CSMD1: variants seen among roughly 807,000 people sequenced by gnomAD.
CSMD1 encodes CUB and Sushi multiple domains 1.
A neutral mutation model predicts 417.5 loss-of-function variants in CSMD1; 213 were observed. The observed-to-expected ratio is 0.51, with a 90% confidence interval of 0.46 to 0.57. The LOEUF is 0.57. Among genes scored for constraint, CSMD1 ranks in the 20% least tolerant of loss-of-function variants. The pLI is 0.00. For synonymous variants in CSMD1, 2,862 were observed against 1,736.8 expected (o/e 1.65, Z -16.11); for missense variants, 6,923 against 4,529.7 (o/e 1.53, Z -15.17).
At chr8:4,802,386 G>C (rs561705005) in intron 1 of CSMD1, among the ~76,000 whole-genome samples, 1 of 151,884 alleles carries the variant, frequency 6.6e-6, no homozygotes, top group South Asian at 2.1e-4. Flanking sequence ...TGTAGGGATA[G>C]TGAGAAGCAT....
chr8:3,169,465 G>A (rs1050704722), intron 37 of CSMD1, among the ~76,000 whole-genome samples: 1 of 151,922 alleles, frequency 6.6e-6, no homozygotes, highest in African/African-American at 2.4e-5. Flanking sequence ...ACTATCTCTA[G>A]TAGTCGAAAT....
At chr8:3,602,354 G>C (rs1025447497) in intron 8 of CSMD1, among the ~76,000 whole-genome samples, 2 of 152,088 alleles carry the variant, frequency 1.3e-5, no homozygotes, top group Non-Finnish European at 2.9e-5. Context: ...CAAATTTCCG[G>C]TGGAGGCATA....
At chr8:3,417,037 C>G (rs1222381935) in intron 12 of CSMD1, among the ~76,000 whole-genome samples, 1 of 152,122 alleles carries the variant, frequency 6.6e-6, no homozygotes, top group Non-Finnish European at 1.5e-5. Context: ...GAATGATTTA[C>G]CAAGAGTTTA....
intron 1 of CSMD1, among the ~76,000 whole-genome samples, chr8:4,778,716 T>C (rs1452812696): frequency 1.3e-5 from 2 of 152,220 alleles, no homozygotes; most frequent in African/African-American, 4.8e-5. Flanking sequence ...CATGGGACTA[T>C]GCCCATTTTA....
chr8:4,335,149 T>A (rs1332260808), intron 3 of CSMD1, among the ~76,000 whole-genome samples: 1 of 152,048 alleles, frequency 6.6e-6, no homozygotes, highest in Non-Finnish European at 1.5e-5. Flanking sequence ...TGATTCACCC[T>A]CCTCACAGCC....
intron 3 of CSMD1, among the ~76,000 whole-genome samples, chr8:4,309,416 G>A (rs1252794672): frequency 1.3e-5 from 2 of 151,940 alleles, no homozygotes; most frequent in African/African-American, 4.8e-5. Flanking sequence ...AAATTTGAAA[G>A]AAATTAAATT....
chr8:4,252,111 G>C (rs972290222), intron 3 of CSMD1, among the ~76,000 whole-genome samples: 2 of 152,164 alleles, frequency 1.3e-5, no homozygotes, highest in East Asian at 1.9e-4. Flanking sequence ...ACAGGTGGTA[G>C]AGAACTACTG....
At chr8:3,209,079 T>C (rs1268412714) in intron 30 of CSMD1, among the ~76,000 whole-genome samples, 6 of 152,150 alleles carry the variant, frequency 3.9e-5, no homozygotes, top group African/African-American at 7.2e-5. Context: ...TGCCTTATGA[T>C]AGTAGAGGAC....
chr8:3,809,172 C>G (rs1044047683), intron 5 of CSMD1, among the ~76,000 whole-genome samples: 2 of 152,128 alleles, frequency 1.3e-5, no homozygotes, highest in Admixed American at 6.6e-5. Context: ...AGACCTCATT[C>G]TTACTGTCCT....
intron 1 of CSMD1, among the ~76,000 whole-genome samples, chr8:4,705,841 G>C (rs866416258): frequency 2.0e-5 from 3 of 152,206 alleles, no homozygotes; most frequent in South Asian, 2.1e-4. Context: ...AGCTGCATCT[G>C]AGTGTCCTGG....
chr8:3,736,205 T>A (rs1220429505), intron 6 of CSMD1, among the ~76,000 whole-genome samples: 1 of 152,202 alleles, frequency 6.6e-6, no homozygotes, highest in Non-Finnish European at 1.5e-5. Flanking sequence ...CACAATTTGA[T>A]TCTCACTCAA....
At chr8:4,299,017 A>G (rs79326431) in intron 3 of CSMD1, among the ~76,000 whole-genome samples, 7,202 of 152,204 alleles carry the variant, frequency 0.047, 205 homozygotes, top group South Asian at 0.1. Flanking sequence ...TTTGCCATTT[A>G]AAAAGCAGAA....
chr8:4,005,308 A>C (rs1013941220), intron 4 of CSMD1, among the ~76,000 whole-genome samples: 6 of 152,208 alleles, frequency 3.9e-5, no homozygotes, highest in Admixed American at 1.3e-4. Context: ...TAATAAAAAA[A>C]GTTTCAAGCC....
chr8:4,479,943 G>T (rs925319096), intron 2 of CSMD1, among the ~76,000 whole-genome samples: 8 of 149,750 alleles, frequency 5.3e-5, no homozygotes, highest in African/African-American at 1.7e-4. Context: ...TCCAGCCTGG[G>T]TGACACAGCA....
At chr8:3,733,776 G>A (rs997586173) in intron 6 of CSMD1, among the ~76,000 whole-genome samples, 8 of 152,196 alleles carry the variant, frequency 5.3e-5, no homozygotes, top group African/African-American at 1.7e-4. Context: ...ACTTAATGAT[G>A]GCAAGCGGGT....
chr8:4,356,178 T>G (rs528115051), intron 3 of CSMD1, among the ~76,000 whole-genome samples: 9 of 152,304 alleles, frequency 5.9e-5, no homozygotes, highest in Admixed American at 3.9e-4. Context: ...ATAGCTTAAC[T>G]GCCACAAATC....
intron 3 of CSMD1, among the ~76,000 whole-genome samples, chr8:4,339,822 A>C (rs1800373298): frequency 6.6e-6 from 1 of 152,046 alleles, no homozygotes. Flanking sequence ...CCAGGAGTTT[A>C]AGATCAGCCT....
intron 1 of CSMD1, among the ~76,000 whole-genome samples, chr8:4,792,983 A>AATATATATAT (rs34947549): frequency 1.3e-5 from 2 of 148,584 alleles, no homozygotes; most frequent in African/African-American, 5.0e-5. Flanking sequence ...ATGTGTATGC[A>AATATATATAT]ATATATATAT....
chr8:3,481,851 G>A lies in CSMD1; in HGVS notation c.1448+11772C>T, dbSNP rs551084086. 3.3e-5 allele frequency among the ~76,000 whole-genome samples: 5 copies of A among 152,266 alleles called. 1 individual carries two copies. The highest frequency in any genetic ancestry group is 1.2e-4 in the African/African-American group (5 of 41,558). On this transcript the variant is annotated intron_variant, in intron 11 of 69. Transcript: ENST00000635120. ...ACAGCTCTGCCCACATGTTGATGCTGGCCTAGAAAACCTGACTTGGACTTC... is the reference window on the plus strand; with the variant it reads ...ACAGCTCTGCCCACATGTTGATGCTAGCCTAGAAAACCTGACTTGGACTTC...
Sources: gnomAD v4.1 joint callset for allele counts (sites outside exome capture counted in the v4.1 genomes callset) on GRCh38, gnomAD v4.1.1 for gene constraint, MANE v1.5 for transcripts, NCBI Gene and HGNC (gene_info 2026-07-23, HGNC 2026-07-21) for gene names.